CDH13: variants seen among roughly 807,000 people sequenced by gnomAD.
The protein encoded by CDH13 is cadherin-13.
CDH13 carries 24 observed loss-of-function variants against 63.8 expected under a neutral mutation model. The ratio of observed to expected loss-of-function variants is 0.38; its 90% CI spans 0.27 to 0.53. The LOEUF is 0.53. CDH13 is among the 20% of genes least tolerant of loss of function. CDH13 has a pLI of 0.85. For synonymous variants in CDH13, 503 were observed against 355.3 expected (o/e 1.42, Z -4.67); for missense variants, 1,049 against 903.1 (o/e 1.16, Z -2.07).
intron 10 of CDH13, among the ~76,000 whole-genome samples, chr16:83,713,529 T>C (rs1302515821): frequency 6.6e-6 from 1 of 151,900 alleles, no homozygotes; most frequent in Non-Finnish European, 1.5e-5. Context: ...AAAAATTTCC[T>C]CTTCAAATTT....
chr16:83,338,183 T>TAAAAA (rs1408439057), intron 5 of CDH13, among the ~76,000 whole-genome samples: 1 of 56,428 alleles, frequency 1.8e-5, no homozygotes, highest in African/African-American at 6.7e-5. Context: ...CCTCTTCTTT[T>TAAAAA]TAAAAAAAAA....
chr16:82,801,024 T>C (rs2036830117), intron 1 of CDH13, among the ~76,000 whole-genome samples: 3 of 152,216 alleles, frequency 2.0e-5, no homozygotes, highest in Admixed American at 2.0e-4. Context: ...CTGTGACCCT[T>C]ATTGAGCAAA....
intron 2 of CDH13, among the ~76,000 whole-genome samples, chr16:82,975,886 A>C (rs1433156728): frequency 6.6e-6 from 1 of 152,172 alleles, no homozygotes; most frequent in Non-Finnish European, 1.5e-5. Flanking sequence ...AGCATAATGC[A>C]GTTGAATACA....
At chr16:82,842,163 T>C (rs55775751) in intron 1 of CDH13, among the ~76,000 whole-genome samples, 3,822 of 25,258 alleles carry the variant, frequency 0.15, 193 homozygotes, top group African/African-American at 0.16. Context: ...TATATATATA[T>C]ACACACACAC....
chr16:83,495,016 G>A (rs1401190412), intron 7 of CDH13, among the ~76,000 whole-genome samples: 9 of 152,086 alleles, frequency 5.9e-5, no homozygotes, highest in Non-Finnish European at 8.8e-5. Context: ...ATAGTAAATC[G>A]TATAGACTTT....
intron 11 of CDH13, among the ~76,000 whole-genome samples, chr16:83,760,918 C>G (rs1444097732): frequency 6.6e-6 from 1 of 152,126 alleles, no homozygotes; most frequent in African/African-American, 2.4e-5. Flanking sequence ...TGCTGATGGG[C>G]CAATTTTGCC....
intron 5 of CDH13, among the ~76,000 whole-genome samples, chr16:83,219,647 A>C (rs747026695): frequency 6.6e-6 from 1 of 152,258 alleles, no homozygotes; most frequent in South Asian, 2.1e-4. Context: ...GTTATAGCCC[A>C]ATCTCTCATG....
At chr16:82,802,517 C>G (rs2036916301) in intron 1 of CDH13, among the ~76,000 whole-genome samples, 2 of 152,194 alleles carry the variant, frequency 1.3e-5, no homozygotes, top group African/African-American at 4.8e-5. Flanking sequence ...AGATAGGTCC[C>G]TAAGACTTAG....
intron 2 of CDH13, among the ~76,000 whole-genome samples, chr16:82,930,281 C>G (rs2042448051): frequency 6.6e-6 from 1 of 152,034 alleles, no homozygotes; most frequent in Non-Finnish European, 1.5e-5. Context: ...CCGGCCTGTT[C>G]TTTATGTAAA....
intron 4 of CDH13, among the ~76,000 whole-genome samples, chr16:83,133,560 G>A (rs539316823): frequency 1.1e-4 from 17 of 152,248 alleles, no homozygotes; most frequent in South Asian, 4.1e-4. Context: ...ATGCAGTGGC[G>A]TGATCTGTGC....
chr16:82,965,120 A>G (rs1360196165), intron 2 of CDH13, among the ~76,000 whole-genome samples: 2 of 152,236 alleles, frequency 1.3e-5, no homozygotes, highest in Non-Finnish European at 2.9e-5. Context: ...CTAACCAGGA[A>G]TACTGTTGTC....
chr16:83,021,013 A>G (rs534865568), intron 2 of CDH13, among the ~76,000 whole-genome samples: 2 of 152,336 alleles, frequency 1.3e-5, no homozygotes, highest in South Asian at 2.1e-4. Context: ...CATAATTGCT[A>G]TAAAGTTTAA....
rs7203613 is a variant in CDH13 at position 83,584,877 on chromosome 16, G to C, written c.961-17577G>C. Among the ~76,000 whole-genome samples, 754 of 151,914 alleles carry C rather than the reference G, an allele frequency of 5.0e-3. 7 individuals are homozygous for C. Among genetic ancestry groups the C allele is most frequent in the African/African-American group, 0.017 (714 of 41,424 alleles). ...CAGAGGGCAAAGCGGGAGTGGGCAC[G>C]TCACATGGCAAAAACAGAAGCAAGA... On this transcript the variant is annotated intron_variant, in intron 7 of 13. Coordinates refer to ENST00000567109, the MANE Select transcript of CDH13 (RefSeq NM_001257.5).
intron 3 of CDH13, among the ~76,000 whole-genome samples, chr16:83,065,214 G>A (rs1394450548): frequency 2.6e-5 from 4 of 152,184 alleles, no homozygotes; most frequent in African/African-American, 9.7e-5. Flanking sequence ...AGTTATCCCT[G>A]AGGAATCCCA....
At chr16:83,645,537 GCCC>G (rs10609121) in intron 8 of CDH13, among the ~76,000 whole-genome samples, 2 of 151,138 alleles carry the variant, frequency 1.3e-5, no homozygotes, top group Non-Finnish European at 2.9e-5. Flanking sequence ...ATGCACACAT[GCCC>G]CCCCCCAATC....
chr16:83,268,201 G>A (rs1359569692), intron 5 of CDH13, among the ~76,000 whole-genome samples: 1 of 152,206 alleles, frequency 6.6e-6, no homozygotes, highest in African/African-American at 2.4e-5. Flanking sequence ...ACTGCAGTTT[G>A]TCTTTAGAAC....
At position 83,416,511 on chromosome 16, in the gene CDH13, A is replaced by G. The variant is rs148724650; in HGVS notation, c.782-69966A>G. On this transcript the variant is annotated intron_variant, in intron 6 of 13. Transcript: ENST00000567109. ...GCCTCTCATGTTTAAGTATCTCCCA[A>G]TATTCAGTTAATAACATTTTCTGTT... Among the ~76,000 whole-genome samples, 171 of 152,224 alleles carry G rather than the reference A, an allele frequency of 1.1e-3. 1 individual carries two copies. The highest frequency in any genetic ancestry group is 3.9e-3 in the African/African-American group (163 of 41,542).
chr16:82,667,272 A>T (rs1302588851), intron 1 of CDH13, among the ~76,000 whole-genome samples: 2 of 152,188 alleles, frequency 1.3e-5, no homozygotes, highest in African/African-American at 4.8e-5. Flanking sequence ...TAGGGAGACA[A>T]TTCCAGAGAG....
intron 2 of CDH13, among the ~76,000 whole-genome samples, chr16:82,929,464 G>C (rs1343147134): frequency 6.6e-6 from 1 of 151,378 alleles, no homozygotes; most frequent in Non-Finnish European, 1.5e-5. Context: ...AGATGGTCTA[G>C]CCAGGTGAAA....
Sources: allele counts gnomAD v4.1 joint callset (sites outside exome capture counted in the v4.1 genomes callset), GRCh38; gene constraint gnomAD v4.1.1; transcripts MANE v1.5; gene names NCBI Gene and HGNC (gene_info 2026-07-23, HGNC 2026-07-21).